Variants in SIPA1L1 observed in about 807,000 individuals in gnomAD.
SIPA1L1 encodes the protein signal induced proliferation associated 1 like 1.
SIPA1L1 carries 26 observed loss-of-function variants against 162.7 expected under a neutral mutation model. The observed-to-expected ratio is 0.16, with a 90% confidence interval of 0.12 to 0.22. SIPA1L1 has a LOEUF of 0.22. Ranked by LOEUF, SIPA1L1 falls within the 10% of genes least tolerant of loss-of-function variation. The pLI is 1.00. For missense variants in SIPA1L1, 1,874 were observed against 2,241.0 expected, an observed-to-expected ratio of 0.84 and a Z score of 3.31; for synonymous variants, 829 against 837.4, an observed-to-expected ratio of 0.99 and a Z score of 0.17.
At chr14:71,737,630 G>C (rs2085420797) in intron 22 of SIPA1L1, among the ~76,000 whole-genome samples, 1 of 152,156 alleles carries the variant, frequency 6.6e-6, no homozygotes, top group African/African-American at 2.4e-5. Context: ...ATAAACAAAA[G>C]AAAACATGAG....
At chr14:71,438,018 C>T (rs1311249458) in intron 2 of SIPA1L1, among the ~76,000 whole-genome samples, 1 of 152,084 alleles carries the variant, frequency 6.6e-6, no homozygotes, top group Non-Finnish European at 1.5e-5. Flanking sequence ...CCTTCTGTCA[C>T]CCTTGTTATC....
intron 1 of SIPA1L1, among the ~76,000 whole-genome samples, chr14:71,320,709 C>A (rs937271302): frequency 1.3e-5 from 2 of 150,758 alleles, no homozygotes; most frequent in African/African-American, 4.9e-5. Context: ...CTCATCCCCC[C>A]CCCGGCAACC....
At chr14:71,467,793 A>T (rs2047117234) in intron 2 of SIPA1L1, among the ~76,000 whole-genome samples, 1 of 149,528 alleles carries the variant, frequency 6.7e-6, no homozygotes, top group Admixed American at 6.7e-5. Context: ...AGGTGGGAGG[A>T]TTGCTTGAGG....
intron 7 of SIPA1L1, among the ~76,000 whole-genome samples, chr14:71,633,178 TG>T (rs2040773702): frequency 6.6e-6 from 1 of 151,958 alleles, no homozygotes; most frequent in African/African-American, 2.4e-5. Flanking sequence ...TTCTGTTCTT[TG>T]GAGATGGGGC....
intron 2 of SIPA1L1, among the ~76,000 whole-genome samples, chr14:71,366,829 A>G (rs180991196): frequency 6.6e-6 from 1 of 152,332 alleles, no homozygotes; most frequent in Non-Finnish European, 1.5e-5. Flanking sequence ...CAAGTTAAGT[A>G]ATATGTTAAA....
chr14:71,699,114 T>C lies in SIPA1L1; in HGVS notation c.3508T>C (p.Ser1170Pro). ...GSVGGTYRQK[S>P]MPEGFGVSRR... ...TGTGGGGGGCACTTACAGGCAGAAGTCCATGCCCGAAGGGTAGTTATGCGT... is the reference window on the plus strand; with the variant it reads ...TGTGGGGGGCACTTACAGGCAGAAGCCCATGCCCGAAGGGTAGTTATGCGT... The change falls in exon 14 of 24, where the codon TCC (serine) becomes CCC (proline). Residue 1170 changes from serine to proline, a missense_variant. Transcript: ENST00000381232. 1.2e-6 allele frequency: 2 copies of C among 1,614,170 alleles called. No individual in the cohort carries two copies. The highest frequency in any genetic ancestry group is 8.5e-7 in the Non-Finnish European group (1 of 1,179,992).
Position 71,588,661 on chromosome 14 carries a change from C to T in SIPA1L1, c.789C>T (p.Asp263=), listed in dbSNP as rs34631533. ...KGSGFSLDVI[D]GPISQRENLR... ...CTGGTTTCTCTTTGGATGTAATAGACGGGCCTATCTCACAGAGAGAGAACC... is the reference window on the plus strand; with the variant it reads ...CTGGTTTCTCTTTGGATGTAATAGATGGGCCTATCTCACAGAGAGAGAACC... Residue 263 remains aspartate, a synonymous_variant, in exon 5 of 24, where the codon GAC becomes GAT. Coordinates refer to ENST00000381232, the MANE Select transcript of SIPA1L1 (RefSeq NM_001386936.1). This position sits in a 1 kb window ranked among gnomAD's most constrained non-coding sequence, Gnocchi z 4.3. 0.016 allele frequency: 25,573 copies of T among 1,613,898 alleles called. 243 individuals carry two copies. Among genetic ancestry groups the T allele is most frequent in the Middle Eastern group, 0.024 (147 of 6,060 alleles).
At position 71,406,600 on chromosome 14, in the gene SIPA1L1, T is replaced by C. The variant is rs201273655; in HGVS notation, c.-465+85419T>C. 2.4e-4 allele frequency among the ~76,000 whole-genome samples: 36 copies of C among 152,348 alleles called. 1 individual carries two copies. In the East Asian group the frequency reaches 4.4e-3, roughly 19 times the overall value. On this transcript the variant is annotated intron_variant, in intron 2 of 23. Transcript: ENST00000381232. ...AATTAGATTACCTTGGGGGGATTTA[T>C]TTTTTAATAAGCCATATTGATTTTT...
chr14:71,678,600 C>A (rs1566632534), intron 12 of SIPA1L1, among the ~76,000 whole-genome samples: 1 of 152,062 alleles, frequency 6.6e-6, no homozygotes, highest in Non-Finnish European at 1.5e-5. Context: ...GTCTAAAATT[C>A]TTCTTTTTTG....
intron 9 of SIPA1L1, 81 bp downstream of exon 9, chr14:71,658,517 T>A: frequency 1.1e-6 from 1 of 914,180 alleles, no homozygotes; most frequent in Non-Finnish European, 1.8e-6. Context: ...TGTAAAATCT[T>A]AAACCAGAAT....
chr14:71,372,046 G>T (rs896846152), intron 2 of SIPA1L1, among the ~76,000 whole-genome samples: 2 of 152,122 alleles, frequency 1.3e-5, no homozygotes, highest in African/African-American at 2.4e-5. Context: ...TTTATTAAGA[G>T]GTTAGAAAAT....
At chr14:71,445,411 G>A (rs2045265480) in intron 2 of SIPA1L1, among the ~76,000 whole-genome samples, 1 of 151,902 alleles carries the variant, frequency 6.6e-6, no homozygotes, top group Admixed American at 6.6e-5. Context: ...TCTTTCTCGG[G>A]AATTTTATTT....
At chr14:71,722,253 C>G (rs1298192041) in intron 17 of SIPA1L1, among the ~76,000 whole-genome samples, 5 of 152,134 alleles carry the variant, frequency 3.3e-5, no homozygotes, top group Non-Finnish European at 7.4e-5. Flanking sequence ...TATGAAGGTG[C>G]TTTTTTGTGT....
intron 7 of SIPA1L1, among the ~76,000 whole-genome samples, chr14:71,626,404 T>C (rs1567341890): frequency 6.6e-6 from 1 of 152,182 alleles, no homozygotes; most frequent in Non-Finnish European, 1.5e-5. Context: ...TTTATCTCCA[T>C]ACATACAGCA....
intron 7 of SIPA1L1, among the ~76,000 whole-genome samples, chr14:71,635,236 G>A (rs893795813): frequency 4.6e-5 from 7 of 152,016 alleles, no homozygotes; most frequent in African/African-American, 1.2e-4. Flanking sequence ...CTGAGATCAC[G>A]CCATTGCACT....
Position 71,330,633 on chromosome 14 carries a change from C to G in SIPA1L1, c.-465+9452C>G, listed in dbSNP as rs948758827. ...TCAGTGTGATGGTTTGGGGCGGAAA[C>G]TGGGTCAACTCATTGTTGTAGTCTG... On this transcript the variant is annotated intron_variant, in intron 2 of 23. Coordinates refer to ENST00000381232, the MANE Select transcript of SIPA1L1 (RefSeq NM_001386936.1). The G allele has an allele frequency of 6.6e-6, 6 of 908,558 alleles. No homozygotes were observed. The African/African-American group carries it at 9.8e-5, about 15-fold the overall frequency. The allele number at this position is 908,558 out of a possible 1,614,324, so 56.3% of individuals were successfully genotyped here. A position where few individuals can be genotyped will look rare whatever the true frequency, so the allele number is the denominator to read the frequency against.
chr14:71,718,795 G>A (rs919199679), intron 17 of SIPA1L1, among the ~76,000 whole-genome samples: 2 of 152,138 alleles, frequency 1.3e-5, no homozygotes, highest in Non-Finnish European at 2.9e-5. Context: ...TTATCCATGT[G>A]TTGCAGGTAA....
At chr14:71,507,466 T>G (rs1174691239) in intron 2 of SIPA1L1, among the ~76,000 whole-genome samples, 2 of 152,162 alleles carry the variant, frequency 1.3e-5, no homozygotes, top group Non-Finnish European at 1.5e-5. Context: ...TGTAGTTCAG[T>G]TTCGTGGGTA....
At chr14:71,366,980 AAC>A (rs1387139850) in intron 2 of SIPA1L1, among the ~76,000 whole-genome samples, 2 of 152,204 alleles carry the variant, frequency 1.3e-5, no homozygotes, top group Non-Finnish European at 2.9e-5. Flanking sequence ...ATCGTCAAAT[AAC>A]ACAAAATTAT....
Sources: allele counts gnomAD v4.1 joint callset (sites outside exome capture counted in the v4.1 genomes callset), GRCh38; gene constraint gnomAD v4.1.1; non-coding constraint Gnocchi (gnomAD v3.1); transcripts MANE v1.5; gene names NCBI Gene and HGNC (gene_info 2026-07-23, HGNC 2026-07-21).